The following CHST9 variants were observed in gnomAD, a reference collection of about 807,000 sequenced individuals.
CHST9 encodes GalNAc-4-sulfotransferase 2.
In CHST9, 41 loss-of-function variants were observed where a neutral mutation model predicts 44.4. That is an observed-to-expected ratio of 0.92 (90% confidence interval 0.72 to 1.20). CHST9 has a LOEUF of 1.20. CHST9 is among the 50% of genes most tolerant of loss of function. The pLI is 0.00. For synonymous variants in CHST9, 171 were observed against 178.4 expected (o/e 0.96, Z 0.33); for missense variants, 504 against 516.5 (o/e 0.98, Z 0.23).
chr18:27,089,462 G>T (rs576103236), intron 2 of CHST9, among the ~76,000 whole-genome samples: 328 of 152,280 alleles, frequency 2.2e-3, no homozygotes, highest in Non-Finnish European at 2.8e-3. Context: ...CAGAGGACAA[G>T]AACTCATCCT....
At chr18:27,022,323 T>C (rs1168200067) in intron 4 of CHST9, among the ~76,000 whole-genome samples, 1 of 152,122 alleles carries the variant, frequency 6.6e-6, no homozygotes. Context: ...AAACTCATCT[T>C]AGTTTTTCCC....
rs534460805 is a variant in CHST9 at position 26,975,058 on chromosome 18, C to T, written c.203-30692G>A. Among the ~76,000 whole-genome samples, 45 of 152,336 alleles carry T rather than the reference C, an allele frequency of 3.0e-4. 1 individual carries two copies. Among genetic ancestry groups the T allele is most frequent in the East Asian group, 2.5e-3 (13 of 5,190 alleles). On this transcript the variant is annotated intron_variant, in intron 4 of 5. Coordinates refer to ENST00000618847, the MANE Select transcript of CHST9 (RefSeq NM_031422.6). ...CTTGCTCCAGGCCAGAGAGCTGTTA[C>T]GCGGCAGAGCTGCAAGCATGGGTCT...
chr18:27,064,700 C>T lies in CHST9; in HGVS notation c.122-16197G>A, dbSNP rs79587798. Among the ~76,000 whole-genome samples, 1,366 of 146,030 alleles carry T rather than the reference C, an allele frequency of 9.4e-3. 14 individuals are homozygous for T. The highest frequency in any genetic ancestry group is 0.033 in the African/African-American group (1,250 of 37,386). On this transcript the variant is annotated intron_variant, in intron 2 of 5. Coordinates refer to ENST00000618847, the MANE Select transcript of CHST9 (RefSeq NM_031422.6). The stretch of plus-strand genomic sequence containing the variant: ...GCTGCTCCTGCCTCTGGTGATGATA[C>T]GCTCTTTTGTTCTCTGGCTAGTCCA...
At position 27,065,323 on chromosome 18, in the gene CHST9, T is replaced by C. The variant is rs556120135; in HGVS notation, c.122-16820A>G. 1.1e-4 allele frequency among the ~76,000 whole-genome samples: 17 copies of C among 152,248 alleles called. No individual in the cohort carries two copies. The East Asian group carries it at 3.3e-3, about 29-fold the overall frequency. On this transcript the variant is annotated intron_variant, in intron 2 of 5. Coordinates refer to ENST00000618847, the MANE Select transcript of CHST9 (RefSeq NM_031422.6). ...ATCTTTTATAACCACTGTGTGCAAA[T>C]AGATAGTATTAAAAACACAAATGTA... is the stretch of plus-strand genomic sequence containing the variant.
At chr18:27,126,775 G>A (rs1458155190) in intron 2 of CHST9, among the ~76,000 whole-genome samples, 2 of 152,070 alleles carry the variant, frequency 1.3e-5, no homozygotes, top group Non-Finnish European at 2.9e-5. Context: ...GGCTCAGTGA[G>A]GACAATGGGA....
chr18:26,917,238 T>G lies in CHST9; in HGVS notation c.353A>C (p.Asp118Ala). The change falls in exon 6 of 6, where the codon GAT (aspartate) becomes GCT (alanine). Residue 118 changes from aspartate (D) to alanine (A), a missense_variant. Coordinates refer to ENST00000618847, the MANE Select transcript of CHST9 (RefSeq NM_031422.6). ...CCCTGTGGACTTACTTAAAGCTTGA[T>G]CCCCTCCTTGTGAATGACTGGTCTT... ...LTKTSHSQGG[D>A]QALSKSTGSP... is the part of the protein sequence containing the mutation. 1 of 1,613,866 alleles carries G rather than the reference T, an allele frequency of 6.2e-7. No homozygotes were observed. The highest frequency in any genetic ancestry group is 8.5e-7 in the Non-Finnish European group (1 of 1,179,812).
intron 4 of CHST9, among the ~76,000 whole-genome samples, chr18:26,980,241 G>C (rs2056675516): frequency 6.6e-6 from 1 of 152,094 alleles, no homozygotes; most frequent in South Asian, 2.1e-4. Flanking sequence ...TTCCAAAGAA[G>C]ACTATGAGCT....
chr18:27,070,406 T>C (rs1004346958), intron 2 of CHST9, among the ~76,000 whole-genome samples: 5 of 152,226 alleles, frequency 3.3e-5, no homozygotes, highest in African/African-American at 1.2e-4. Flanking sequence ...TCTATATCTG[T>C]TCAATAGGAA....
chr18:26,955,740 C>A (rs1384295833), intron 4 of CHST9, among the ~76,000 whole-genome samples: 1 of 152,064 alleles, frequency 6.6e-6, no homozygotes, highest in East Asian at 1.9e-4. Flanking sequence ...AGGAACATAT[C>A]CATGCTTTGG....
chr18:27,118,307 T>C (rs1424485437), intron 2 of CHST9, among the ~76,000 whole-genome samples: 2 of 152,248 alleles, frequency 1.3e-5, no homozygotes, highest in African/African-American at 4.8e-5. Context: ...ATATTAGATG[T>C]CCTTGAGAGA....
intron 2 of CHST9, among the ~76,000 whole-genome samples, chr18:27,052,245 GGT>G (rs201335561): frequency 1.3e-5 from 2 of 150,362 alleles, no homozygotes; most frequent in African/African-American, 2.5e-5. Flanking sequence ...TGTATATATA[GGT>G]GTGTGTGTAT....
At chr18:26,999,415 T>C (rs1011425343) in intron 4 of CHST9, among the ~76,000 whole-genome samples, 3 of 152,260 alleles carry the variant, frequency 2.0e-5, no homozygotes, top group African/African-American at 7.2e-5. Flanking sequence ...AATGCTATAA[T>C]TCATTTTTCA....
intron 3 of CHST9, among the ~76,000 whole-genome samples, chr18:27,026,885 A>G (rs1447299174): frequency 6.6e-6 from 1 of 152,246 alleles, no homozygotes; most frequent in Non-Finnish European, 1.5e-5. Flanking sequence ...TAATCAAATA[A>G]AATAGGATCT....
intron 4 of CHST9, among the ~76,000 whole-genome samples, chr18:27,016,174 T>C (rs2057151661): frequency 6.6e-6 from 1 of 152,234 alleles, no homozygotes; most frequent in South Asian, 2.1e-4. Context: ...CATGCTTCTT[T>C]TGTAAGGAGT....
At chr18:27,020,495 C>T (rs1331536042) in intron 4 of CHST9, among the ~76,000 whole-genome samples, 1 of 152,206 alleles carries the variant, frequency 6.6e-6, no homozygotes, top group East Asian at 1.9e-4. Flanking sequence ...GCTGTCTTTT[C>T]ACAGGTGCCT....
At chr18:27,170,512 A>T (rs1418238789) in intron 1 of CHST9, among the ~76,000 whole-genome samples, 1 of 152,196 alleles carries the variant, frequency 6.6e-6, no homozygotes, top group Non-Finnish European at 1.5e-5. Flanking sequence ...CTTCAAAGAT[A>T]CTGGAAAAAT....
chr18:27,114,631 G>T (rs1180553196), intron 2 of CHST9, among the ~76,000 whole-genome samples: 2 of 152,114 alleles, frequency 1.3e-5, no homozygotes, highest in Non-Finnish European at 2.9e-5. Context: ...CTCAGCCTGT[G>T]GCAACCACTA....
intron 2 of CHST9, among the ~76,000 whole-genome samples, chr18:27,131,970 C>T (rs542619154): frequency 2.0e-5 from 3 of 152,256 alleles, no homozygotes; most frequent in East Asian, 3.9e-4. Context: ...CCAATGTATA[C>T]CTTTCATGTA....
intron 2 of CHST9, among the ~76,000 whole-genome samples, chr18:27,091,068 C>T (rs28766442): frequency 0.01 from 1,585 of 152,196 alleles, 24 homozygotes; most frequent in African/African-American, 0.033. Flanking sequence ...TTGATTCTTC[C>T]TATTCATGAG....
Sources: allele counts gnomAD v4.1 joint callset (sites outside exome capture counted in the v4.1 genomes callset), GRCh38; gene constraint gnomAD v4.1.1; transcripts MANE v1.5; gene names NCBI Gene and HGNC (gene_info 2026-07-23, HGNC 2026-07-21).